Variants in RBFOX3 observed in about 807,000 individuals in gnomAD.
The protein encoded by RBFOX3 is RNA binding fox-1 homolog 3.
A neutral mutation model predicts 48.7 loss-of-function variants in RBFOX3; 17 were observed. That is an observed-to-expected ratio of 0.35 (90% CI 0.24 to 0.52). The LOEUF (loss-of-function observed/expected upper bound fraction) is 0.52. RBFOX3 is among the 20% of genes least tolerant of loss of function. RBFOX3 has a pLI of 0.94. For synonymous variants in RBFOX3, 212 were observed against 209.5 expected, an observed-to-expected ratio of 1.01 and a Z score of -0.10; for missense variants, 382 against 497.5, an observed-to-expected ratio of 0.77 and a Z score of 2.21.
the RBFOX3 span, among the ~76,000 whole-genome samples, chr17:79,625,914 C>T: frequency 6.6e-6 from 1 of 152,222 alleles, no homozygotes; most frequent in Non-Finnish European, 1.5e-5. Flanking sequence ...CGCCCCTTAC[C>T]ACCAGCAGAA....
chr17:79,384,625 G>C (rs8075631), intron 2 of RBFOX3, among the ~76,000 whole-genome samples: 46,152 of 152,092 alleles, frequency 0.3, 7,472 homozygotes, highest in Non-Finnish European at 0.36. Context: ...CCAGGCCTGC[G>C]CATCTGGGGA....
chr17:79,486,281 C>A (rs1598900603), intron 1 of RBFOX3, among the ~76,000 whole-genome samples: 1 of 152,086 alleles, frequency 6.6e-6, no homozygotes, highest in African/African-American at 2.4e-5. Flanking sequence ...GCCTACCATT[C>A]CCCCACTTCC....
In RBFOX3 at chr17:79,573,529, C is replaced by G. The variant is rs984959580; in HGVS notation, c.-320+37297G>C. ...GGGGCTCCAGGCAAGGAGAGAGGCCCTTCAAGGCTTTCACCCTGACTTCCC... is the reference window on the plus strand; with the variant it reads ...GGGGCTCCAGGCAAGGAGAGAGGCCGTTCAAGGCTTTCACCCTGACTTCCC... On this transcript the variant is annotated intron_variant, in intron 1 of 14. Coordinates refer to ENST00000693108, the MANE Select transcript of RBFOX3 (RefSeq NM_001350451.2). 7.0e-4 allele frequency among the ~76,000 whole-genome samples: 107 copies of G among 152,322 alleles called. 3 individuals carry two copies. In the South Asian group the frequency reaches 0.022, roughly 31 times the overall value.
intron 3 of RBFOX3, among the ~76,000 whole-genome samples, chr17:79,240,123 C>T (rs11658680): frequency 0.31 from 46,947 of 152,088 alleles, 7,879 homozygotes; most frequent in East Asian, 0.52. Flanking sequence ...ATCCAAATGA[C>T]GGAAGTCTCC....
At chr17:79,099,380 G>A (rs1478118974) in intron 9 of RBFOX3, 2 of 152,282 alleles carry the variant, frequency 1.3e-5, no homozygotes, top group African/African-American at 4.8e-5. Flanking sequence ...TGCCACCTTA[G>A]CCTCCCAAAG....
intron 2 of RBFOX3, among the ~76,000 whole-genome samples, chr17:79,402,534 C>T (rs1455062905): frequency 2.0e-5 from 3 of 152,172 alleles, no homozygotes; most frequent in East Asian, 1.9e-4. Context: ...CTGGAGTGAG[C>T]GCAGGGGGCC....
intron 1 of RBFOX3, among the ~76,000 whole-genome samples, chr17:79,492,102 C>T (rs2080763913): frequency 6.6e-6 from 1 of 152,060 alleles, no homozygotes; most frequent in South Asian, 2.1e-4. Flanking sequence ...AGAAATGGCA[C>T]AGTATGATGT....
chr17:79,315,196 G>A (rs112623174), intron 2 of RBFOX3, among the ~76,000 whole-genome samples: 11 of 152,258 alleles, frequency 7.2e-5, no homozygotes, highest in African/African-American at 2.6e-4. Context: ...CGTACACGAT[G>A]GAGTGATTCC....
intron 2 of RBFOX3, among the ~76,000 whole-genome samples, chr17:79,448,217 G>A (rs979095991): frequency 3.3e-5 from 5 of 152,124 alleles, no homozygotes; most frequent in Non-Finnish European, 7.3e-5. Context: ...AGGGGGTGGG[G>A]GTGTGAGAGT....
the RBFOX3 span, among the ~76,000 whole-genome samples, chr17:79,624,808 C>A: frequency 1.5e-5 from 2 of 134,292 alleles, no homozygotes; most frequent in Non-Finnish European, 3.2e-5. Context: ...TTAGAAGGCA[C>A]CCCCGCCCCC....
rs1219575512 is a variant in RBFOX3, at chr17:79,521,544, TCA to T, written c.-319-38948_-319-38947del. Among the ~76,000 whole-genome samples the T allele has an allele frequency of 3.3e-5, 5 of 150,962 alleles. No individual in the cohort carries two copies. The East Asian group carries it at 7.8e-4, about 24-fold the overall frequency. On this transcript the variant is annotated intron_variant, in intron 1 of 14. Transcript: ENST00000693108. ...TACGGATACATTGACAGACACACAT[TCA>T]CACACACACTCATGCACAGAAACAT...
chr17:79,597,320 TGA>T (rs1215509401), intron 1 of RBFOX3, among the ~76,000 whole-genome samples: 12 of 152,110 alleles, frequency 7.9e-5, no homozygotes, highest in Admixed American at 2.6e-4. Flanking sequence ...GCATTGGGAA[TGA>T]GAGAGTGTTG....
chr17:79,352,303 G>A (rs2084101443), intron 2 of RBFOX3, among the ~76,000 whole-genome samples: 1 of 152,142 alleles, frequency 6.6e-6, no homozygotes, highest in African/African-American at 2.4e-5. Context: ...TTAAAAGTGT[G>A]TAGCACTGCC....
At chr17:79,113,001 G>A (rs948187261) in intron 5 of RBFOX3, among the ~76,000 whole-genome samples, 1 of 151,026 alleles carries the variant, frequency 6.6e-6, no homozygotes, top group African/African-American at 2.4e-5. Context: ...TGCCCCGGGA[G>A]CTCAGGAAGA....
chr17:79,344,889 T>C (rs563867637), intron 2 of RBFOX3, among the ~76,000 whole-genome samples: 25 of 152,228 alleles, frequency 1.6e-4, no homozygotes, highest in Admixed American at 8.5e-4. Context: ...CCAATCTGCC[T>C]CTGTCCACAC....
chr17:79,321,650 C>T (rs991379149), intron 2 of RBFOX3, among the ~76,000 whole-genome samples: 1 of 151,292 alleles, frequency 6.6e-6, no homozygotes, highest in Non-Finnish European at 1.5e-5. Flanking sequence ...CCATAAGGTG[C>T]ACAGTACAGG....
chr17:79,182,276 C>A (rs1458794149), intron 4 of RBFOX3, among the ~76,000 whole-genome samples: 1 of 152,176 alleles, frequency 6.6e-6, no homozygotes, highest in Admixed American at 6.5e-5. Context: ...CCCTGCAGGC[C>A]CAAGCAGAGG....
At chr17:79,333,482 TAAAG>T (rs758244748) in intron 2 of RBFOX3, among the ~76,000 whole-genome samples, 2 of 152,038 alleles carry the variant, frequency 1.3e-5, no homozygotes, top group Non-Finnish European at 2.9e-5. Flanking sequence ...GAGTACAGTA[TAAAG>T]AGAGAGAGGA....
intron 1 of RBFOX3, among the ~76,000 whole-genome samples, chr17:79,532,699 G>A (rs1301623646): frequency 6.6e-6 from 1 of 152,254 alleles, no homozygotes; most frequent in African/African-American, 2.4e-5. Flanking sequence ...GAAAGGGGTT[G>A]TGGGGACAGA....
Sources: allele counts gnomAD v4.1 joint callset (sites outside exome capture counted in the v4.1 genomes callset), GRCh38; gene constraint gnomAD v4.1.1; transcripts MANE v1.5; gene names NCBI Gene and HGNC (gene_info 2026-07-23, HGNC 2026-07-21).